PPM1L: variants seen among roughly 807,000 people sequenced by gnomAD.
PPM1L encodes protein phosphatase 1L.
Under a neutral mutation model 31.4 loss-of-function variants are expected in PPM1L, and 13 were observed. The observed-to-expected ratio is 0.41, with a 90% CI of 0.27 to 0.66. PPM1L has a LOEUF of 0.66. Among genes scored for constraint, PPM1L ranks in the 30% least tolerant of loss-of-function variants. PPM1L has a pLI of 0.29. For missense variants in PPM1L, 326 were observed against 453.7 expected (o/e 0.72, Z 2.56); for synonymous variants, 184 against 175.4 (o/e 1.05, Z -0.39).
chr3:161,005,173 G>T (rs1344591157), intron 2 of PPM1L, among the ~76,000 whole-genome samples: 1 of 152,114 alleles, frequency 6.6e-6, no homozygotes, highest in Non-Finnish European at 1.5e-5. Flanking sequence ...GTACCCAGTA[G>T]TCATTCAGGA....
chr3:160,995,039 G>A (rs1428897793), intron 2 of PPM1L, among the ~76,000 whole-genome samples: 2 of 152,198 alleles, frequency 1.3e-5, no homozygotes, highest in Non-Finnish European at 2.9e-5. Flanking sequence ...ATTTCAAATG[G>A]TGTTTTAAAC....
intron 2 of PPM1L, among the ~76,000 whole-genome samples, chr3:161,033,876 A>G (rs751681735): frequency 2.0e-5 from 3 of 152,238 alleles, no homozygotes; most frequent in Non-Finnish European, 1.5e-5. Flanking sequence ...TCTGCACAGC[A>G]AAAGGAACTA....
At chr3:160,952,124 G>T (rs926793511) in intron 1 of PPM1L, among the ~76,000 whole-genome samples, 4 of 152,162 alleles carry the variant, frequency 2.6e-5, no homozygotes, top group Non-Finnish European at 5.9e-5. Flanking sequence ...GACTAAAAAT[G>T]GCAAGAAATG....
At chr3:160,927,666 G>A (rs904790992) in intron 1 of PPM1L, among the ~76,000 whole-genome samples, 1 of 152,164 alleles carries the variant, frequency 6.6e-6, no homozygotes, top group African/African-American at 2.4e-5. Context: ...GTAAATGCGT[G>A]TTAGTGGTTA....
intron 1 of PPM1L, among the ~76,000 whole-genome samples, chr3:160,829,944 C>T (rs1037627767): frequency 1.3e-5 from 2 of 152,148 alleles, no homozygotes; most frequent in Non-Finnish European, 2.9e-5. Context: ...CCTCAACTTG[C>T]AAAGGTACAG....
intron 2 of PPM1L, among the ~76,000 whole-genome samples, chr3:161,005,526 C>G (rs1053092959): frequency 1.3e-5 from 2 of 152,122 alleles, no homozygotes; most frequent in East Asian, 3.9e-4. Flanking sequence ...GGTACCACAG[C>G]ATAATGATTA....
At chr3:160,922,878 G>T (rs1714462123) in intron 1 of PPM1L, among the ~76,000 whole-genome samples, 2 of 152,182 alleles carry the variant, frequency 1.3e-5, no homozygotes, top group African/African-American at 2.4e-5. Flanking sequence ...CTCATAAAGG[G>T]TATGATAAAG....
At chr3:160,765,142 C>T (rs945472745) in intron 1 of PPM1L, among the ~76,000 whole-genome samples, 1 of 152,144 alleles carries the variant, frequency 6.6e-6, no homozygotes, top group Admixed American at 6.5e-5. Flanking sequence ...GAGGTAGGTA[C>T]TATATTATCC....
chr3:160,903,044 TGG>T (rs2108055193), intron 1 of PPM1L, among the ~76,000 whole-genome samples: 1 of 152,074 alleles, frequency 6.6e-6, no homozygotes, highest in South Asian at 2.1e-4. Context: ...TTTAAAAAGG[TGG>T]ATAGTAATAC....
chr3:160,866,876 G>A (rs1306382109), intron 1 of PPM1L, among the ~76,000 whole-genome samples: 1 of 151,986 alleles, frequency 6.6e-6, no homozygotes, highest in Non-Finnish European at 1.5e-5. Flanking sequence ...ACAGAATCTT[G>A]TTCTGTCGCC....
chr3:160,971,078 A>G (rs1716325120), intron 2 of PPM1L, among the ~76,000 whole-genome samples: 1 of 152,222 alleles, frequency 6.6e-6, no homozygotes. Context: ...GGGAGCAGTA[A>G]CTAAACAAAG....
At chr3:160,818,592 T>C (rs535449808) in intron 1 of PPM1L, among the ~76,000 whole-genome samples, 3 of 152,154 alleles carry the variant, frequency 2.0e-5, no homozygotes, top group Non-Finnish European at 4.4e-5. Context: ...GCAGTTGTGC[T>C]ATTAAAAATC....
chr3:160,924,552 A>G (rs16831620), intron 1 of PPM1L, among the ~76,000 whole-genome samples: 8,943 of 152,262 alleles, frequency 0.059, 833 homozygotes, highest in African/African-American at 0.2. Context: ...CCTACCTACC[A>G]TTGTTCTCCA....
intron 1 of PPM1L, among the ~76,000 whole-genome samples, chr3:160,900,050 G>T (rs1312266713): frequency 6.6e-6 from 1 of 151,928 alleles, no homozygotes; most frequent in Admixed American, 6.6e-5. Context: ...ATAACTTTGT[G>T]ATTATTATGT....
At chr3:160,844,412 G>A (rs1030805526) in intron 1 of PPM1L, among the ~76,000 whole-genome samples, 1 of 152,008 alleles carries the variant, frequency 6.6e-6, no homozygotes, top group Non-Finnish European at 1.5e-5. Context: ...ACTGAGCCTC[G>A]GCTTCTTCAT....
rs374670528 is a variant in PPM1L, at chr3:161,072,688, T to G, written c.*3531T>G. 8 of 152,200 alleles carry G rather than the reference T, an allele frequency of 5.3e-5. No individual in the cohort carries two copies. In the East Asian group the frequency reaches 1.2e-3, roughly 22 times the overall value. 9.4% of individuals were successfully genotyped at this position (152,200 alleles called of 1,614,324 possible). ...GCACCTAGTAACATTGCAAGGAACT[T>G]GTGTATCAAGGTGTATCTTGATTAT... On this transcript the variant is annotated 3_prime_UTR_variant, in exon 4 of 4. Transcript: ENST00000498165.
Position 160,808,436 on chromosome 3 carries a change from A to G in PPM1L, c.399+51729A>G, listed in dbSNP as rs137942622. ...GTGTGTGTGTGTGGTGGGTGAGGGA[A>G]GCTGGGCTTCATAAGAGCTGCAGTG... is the stretch of plus-strand genomic sequence containing the variant. On this transcript the variant is annotated intron_variant, in intron 1 of 3. Transcript: ENST00000498165. Among the ~76,000 whole-genome samples the G allele has an allele frequency of 1.1e-3, 145 of 136,640 alleles. 6 individuals carry two copies. The East Asian group carries it at 0.026, about 25-fold the overall frequency. 89.6% of individuals were successfully genotyped at this position (136,640 alleles called of 152,430 possible).
chr3:160,945,271 G>C (rs968356065), intron 1 of PPM1L, among the ~76,000 whole-genome samples: 3 of 151,600 alleles, frequency 2.0e-5, no homozygotes, highest in Non-Finnish European at 4.4e-5. Flanking sequence ...CCCTGTCTCA[G>C]CTGCTCAACT....
At chr3:160,854,228 C>T (rs1368098046) in intron 1 of PPM1L, among the ~76,000 whole-genome samples, 2 of 152,050 alleles carry the variant, frequency 1.3e-5, no homozygotes, top group Non-Finnish European at 2.9e-5. Flanking sequence ...GTTTTTGTTG[C>T]CCATGCTTAC....
Sources: gnomAD v4.1 joint callset for allele counts (sites outside exome capture counted in the v4.1 genomes callset) on GRCh38, gnomAD v4.1.1 for gene constraint, MANE v1.5 for transcripts, NCBI Gene and HGNC (gene_info 2026-07-23, HGNC 2026-07-21) for gene names.